Variants in LUC7L2 observed in about 807,000 individuals in gnomAD.
The protein encoded by LUC7L2 is putative RNA-binding protein Luc7-like 2.
In LUC7L2, 25 loss-of-function variants were observed where a neutral mutation model predicts 52.8. The ratio of observed to expected loss-of-function variants is 0.47; its 90% CI spans 0.34 to 0.66. The LOEUF is 0.66. LUC7L2 is among the 30% of genes least tolerant of loss of function. LUC7L2 has a pLI of 0.01. For missense variants in LUC7L2, 328 were observed against 497.8 expected (o/e 0.66, Z 3.25); for synonymous variants, 144 against 160.9 (o/e 0.89, Z 0.80).
At chr7:139,389,478 C>T (rs1429705701) in intron 2 of LUC7L2, among the ~76,000 whole-genome samples, 1 of 151,956 alleles carries the variant, frequency 6.6e-6, no homozygotes, top group Non-Finnish European at 1.5e-5. Flanking sequence ...ACTGTATTCT[C>T]CTCTTGAAGC....
intron 1 of LUC7L2, among the ~76,000 whole-genome samples, chr7:139,367,810 C>G (rs1426325192): frequency 6.6e-6 from 1 of 152,176 alleles, no homozygotes. Flanking sequence ...TTTCTCACCT[C>G]TCCGTTAGTG....
intron 5 of LUC7L2, 138 bp from the exon 6 acceptor site, chr7:139,407,036 G>A (rs1208887263): frequency 5.5e-5 from 14 of 253,332 alleles, no homozygotes; most frequent in African/African-American, 1.0e-4. Context: ...CTGGAGTCTC[G>A]CCCCAGTGAG....
At chr7:139,381,066 A>G (rs936808850) in intron 2 of LUC7L2, among the ~76,000 whole-genome samples, 1 of 152,162 alleles carries the variant, frequency 6.6e-6, no homozygotes, top group Non-Finnish European at 1.5e-5. Context: ...TACTGTTGAT[A>G]GGCCCTCATA....
chr7:139,341,905 G>A (rs1295915959), intron 1 of LUC7L2, among the ~76,000 whole-genome samples: 1 of 152,198 alleles, frequency 6.6e-6, no homozygotes, highest in Non-Finnish European at 1.5e-5. Context: ...TAGACTTAAA[G>A]CCACAGCATC....
intron 2 of LUC7L2, among the ~76,000 whole-genome samples, chr7:139,385,206 T>C (rs1318983503): frequency 2.0e-5 from 3 of 152,080 alleles, no homozygotes; most frequent in Admixed American, 6.6e-5. Flanking sequence ...TCAGGAAATA[T>C]TTTACACACA....
chr7:139,360,484 AG>A (rs1386085021), intron 1 of LUC7L2, among the ~76,000 whole-genome samples, 162 bp downstream of exon 1: 1 of 152,190 alleles, frequency 6.6e-6, no homozygotes, highest in East Asian at 1.9e-4. Context: ...AGGGCTCGGC[AG>A]GCGGGCAGGG....
chr7:139,414,522 A>G (rs1795503577), intron 8 of LUC7L2, among the ~76,000 whole-genome samples: 1 of 152,364 alleles, frequency 6.6e-6, no homozygotes, highest in South Asian at 2.1e-4. Context: ...GTTCTGGTTT[A>G]TGTCTTTTAT....
In LUC7L2 at chr7:139,407,358, G is replaced by A. The variant is rs1395321709; in HGVS notation, c.687+8G>A. 3 of 1,598,774 alleles carry A rather than the reference G, an allele frequency of 1.9e-6. No individual in the cohort carries two copies. The highest frequency in any genetic ancestry group is 2.2e-5 in the East Asian group (1 of 44,596). On this transcript the variant is annotated splice_region_variant and intron_variant, in intron 6 of 9. Transcript: ENST00000354926. ...AAGCTTGAAGAATTAAAGGTACATTGGTAAAATATTCCTCACTTTATCCTC... is the reference window on the plus strand; with the variant it reads ...AAGCTTGAAGAATTAAAGGTACATTAGTAAAATATTCCTCACTTTATCCTC...
Position 139,404,045 on chromosome 7 carries a change from A to G in LUC7L2, c.367-1599A>G, listed in dbSNP as rs1483967386. ...AAGAGTTTTGGACAACAGTTTAGTCATTCAATGATACATTTAAAGGAAAAT... is the reference window on the plus strand; with the variant it reads ...AAGAGTTTTGGACAACAGTTTAGTCGTTCAATGATACATTTAAAGGAAAAT... On this transcript the variant is annotated intron_variant, in intron 4 of 9. Coordinates refer to ENST00000354926, the MANE Select transcript of LUC7L2 (RefSeq NM_016019.5). Among the ~76,000 whole-genome samples the G allele has an allele frequency of 2.0e-5, 3 of 152,256 alleles. No individual in the cohort carries two copies. The East Asian group carries it at 5.8e-4, about 29-fold the overall frequency.
At chr7:139,401,090 T>C (rs1233773860) in intron 3 of LUC7L2, among the ~76,000 whole-genome samples, 1 of 152,216 alleles carries the variant, frequency 6.6e-6, no homozygotes, top group Non-Finnish European at 1.5e-5. Flanking sequence ...ATTGTAGACA[T>C]TAATATGTGC....
In LUC7L2 at chr7:139,387,963, T is replaced by C. The variant is rs139796767; in HGVS notation, c.157-10636T>C. ...ACTGATTTACTTATTGTCGTCTCAC[T>C]CCTTTCTTTCCCTCGCATGCTTCTC... On this transcript the variant is annotated intron_variant, in intron 2 of 9. Transcript: ENST00000354926. Among the ~76,000 whole-genome samples the C allele has an allele frequency of 2.5e-3, 378 of 152,238 alleles. 3 individuals carry two copies. Among genetic ancestry groups the C allele is most frequent in the African/African-American group, 8.6e-3 (359 of 41,538 alleles).
At chr7:139,341,436 T>A (rs1343262782) in intron 1 of LUC7L2, 6 of 1,613,438 alleles carry the variant, frequency 3.7e-6, no homozygotes, top group Middle Eastern at 1.6e-4. Context: ...TCTGCGGGAG[T>A]TGCGCTACCT....
Position 139,374,406 on chromosome 7 carries a change from A to G in LUC7L2, c.62-1656A>G, listed in dbSNP as rs1217636728. 4 of 1,550,604 alleles carry G rather than the reference A, an allele frequency of 2.6e-6. No individual in the cohort carries two copies. The African/African-American group carries it at 4.1e-5, about 16-fold the overall frequency. On this transcript the variant is annotated intron_variant, in intron 1 of 9. Transcript: ENST00000354926. ...CCCTTGTTTTATTTGTAAAGGTTCA[A>G]TGTATCTATGCCTGCCTACCTCAAT...
intron 8 of LUC7L2, among the ~76,000 whole-genome samples, chr7:139,414,539 A>G (rs1384596237): frequency 6.6e-6 from 1 of 152,250 alleles, no homozygotes; most frequent in Admixed American, 6.5e-5. Context: ...TTATCCCAGA[A>G]TATGTATTAA....
At chr7:139,345,896 T>C in intron 1 of LUC7L2, 1 of 599,966 alleles carries the variant, frequency 1.7e-6, no homozygotes, top group Non-Finnish European at 2.6e-6. Context: ...ACTAGACTGA[T>C]GTTGTTTTTC....
intron 1 of LUC7L2, among the ~76,000 whole-genome samples, chr7:139,347,006 C>G (rs940365151): frequency 6.6e-6 from 1 of 152,152 alleles, no homozygotes; most frequent in Admixed American, 6.5e-5. Context: ...TTTGGCTGAA[C>G]CAATAAAATA....
At chr7:139,383,113 TTTTA>T (rs1292563225) in intron 2 of LUC7L2, among the ~76,000 whole-genome samples, 1 of 151,188 alleles carries the variant, frequency 6.6e-6, no homozygotes, top group Non-Finnish European at 1.5e-5. Context: ...TGTATTTTTA[TTTTA>T]TTTATTTATT....
At chr7:139,407,132 A>G (rs762791001) in intron 5 of LUC7L2, 42 bp from the exon 6 acceptor site, 41 of 1,548,410 alleles carry the variant, frequency 2.6e-5, no homozygotes, top group Non-Finnish European at 3.4e-5. Flanking sequence ...TATGACTTTT[A>G]GTGAGATTTA....
At chr7:139,365,730 A>G (rs1026404926) in intron 1 of LUC7L2, among the ~76,000 whole-genome samples, 1 of 152,242 alleles carries the variant, frequency 6.6e-6, no homozygotes, top group African/African-American at 2.4e-5. Flanking sequence ...CTTAAAGCCT[A>G]CTGCTGTTAG....
Sources: gnomAD v4.1 joint callset for allele counts (sites outside exome capture counted in the v4.1 genomes callset) on GRCh38, gnomAD v4.1.1 for gene constraint, MANE v1.5 for transcripts, NCBI Gene and HGNC (gene_info 2026-07-23, HGNC 2026-07-21) for gene names.